The following CNBD1 variants were observed in gnomAD, a reference collection of about 807,000 sequenced individuals.
CNBD1 encodes cyclic nucleotide binding domain containing 1, also known as cyclic nucleotide-binding domain-containing protein 1.
A neutral mutation model predicts 54.4 loss-of-function variants in CNBD1; 71 were observed. The ratio of observed to expected loss-of-function variants is 1.30; its 90% CI spans 1.08 to 1.59. The LOEUF is 1.59. CNBD1 is among the 40% of genes most tolerant of loss of function. The probability of loss-of-function intolerance (pLI) is 0.00; values close to 1 mark genes in which losing one functional copy is unlikely to be tolerated. For synonymous variants in CNBD1, 182 were observed against 170.7 expected, an observed-to-expected ratio of 1.07 and a Z score of -0.51; for missense variants, 659 against 518.0, an observed-to-expected ratio of 1.27 and a Z score of -2.64.
chr8:87,417,669 A>T (rs1427967510), intron 2 of CNBD1, among the ~76,000 whole-genome samples: 1 of 151,986 alleles, frequency 6.6e-6, no homozygotes, highest in Non-Finnish European at 1.5e-5. Context: ...TCAATATACA[A>T]AAATCAATTG....
intron 2 of CNBD1, among the ~76,000 whole-genome samples, chr8:87,400,076 T>C (rs1807527304): frequency 6.6e-6 from 1 of 151,898 alleles, no homozygotes; most frequent in South Asian, 2.1e-4. Context: ...ATTCCATAGG[T>C]TCTTCCAGGG....
At chr8:87,097,667 C>G (rs1224196895) in intron 4 of CNBD1, among the ~76,000 whole-genome samples, 2 of 152,128 alleles carry the variant, frequency 1.3e-5, no homozygotes, top group Admixed American at 1.3e-4. Flanking sequence ...CATGCTGATT[C>G]CCTCTGAAGA....
chr8:86,901,658 C>G (rs943595160), intron 2 of CNBD1, among the ~76,000 whole-genome samples: 1 of 152,188 alleles, frequency 6.6e-6, no homozygotes, highest in African/African-American at 2.4e-5. Flanking sequence ...TTTAGGAACT[C>G]AGGCCTCTAC....
chr8:87,223,532 G>C (rs1009035281), intron 5 of CNBD1, among the ~76,000 whole-genome samples: 1 of 151,932 alleles, frequency 6.6e-6, no homozygotes, highest in African/African-American at 2.4e-5. Context: ...GAGAATGATG[G>C]TTTCCAATGT....
intron 6 of CNBD1, among the ~76,000 whole-genome samples, chr8:87,257,836 T>C (rs1808052682): frequency 6.6e-6 from 1 of 152,192 alleles, no homozygotes; most frequent in African/African-American, 2.4e-5. Flanking sequence ...AAGTATTTTC[T>C]TGGTATTTAA....
rs2130778911 is a variant in CNBD1, at chr8:87,182,957, T to G, written c.432-23036T>G. Among the ~76,000 whole-genome samples the G allele has an allele frequency of 6.6e-6, 1 of 152,310 alleles. No individual in the cohort carries two copies. Among genetic ancestry groups the G allele is most frequent in the Admixed American group, 6.5e-5 (1 of 15,300 alleles). ...TTTGTTACAATTGCTTTTGGAGACT[T>G]TGACATGAAATTTTTGCTAAGTCCT... On this transcript the variant is annotated intron_variant, in intron 4 of 10. Coordinates refer to ENST00000518476, the MANE Select transcript of CNBD1 (RefSeq NM_173538.3). This position sits in a 1 kb window ranked among gnomAD's most constrained non-coding sequence, Gnocchi z 4.1.
intron 4 of CNBD1, among the ~76,000 whole-genome samples, chr8:87,077,722 C>T (rs1308152758): frequency 1.3e-5 from 2 of 151,908 alleles, no homozygotes; most frequent in East Asian, 1.9e-4. Flanking sequence ...CCAGCTTCAT[C>T]CATGTCCCTA....
chr8:86,882,208 C>A (rs1324848370), intron 1 of CNBD1, among the ~76,000 whole-genome samples: 1 of 151,978 alleles, frequency 6.6e-6, no homozygotes, highest in Admixed American at 6.6e-5. Flanking sequence ...TTCTTCACAG[C>A]AAAAGAAACT....
chr8:86,873,418 A>T (rs547167296), intron 1 of CNBD1, among the ~76,000 whole-genome samples: 22 of 151,216 alleles, frequency 1.5e-4, no homozygotes, highest in Admixed American at 5.3e-4. Flanking sequence ...TGTTTTTTTT[A>T]AAAAAGGATT....
At chr8:87,053,014 G>C (rs1320718551) in intron 4 of CNBD1, among the ~76,000 whole-genome samples, 2 of 142,108 alleles carry the variant, frequency 1.4e-5, no homozygotes, top group African/African-American at 5.2e-5. Context: ...GCTGGAGGGG[G>C]CCCAAGATAA....
At chr8:87,092,383 G>A (rs533694998) in intron 4 of CNBD1, among the ~76,000 whole-genome samples, 2 of 150,674 alleles carry the variant, frequency 1.3e-5, no homozygotes, top group South Asian at 4.2e-4. Flanking sequence ...ATGTGTGTGT[G>A]TGTATATATA....
chr8:87,095,848 G>T (rs1418261441), intron 4 of CNBD1, among the ~76,000 whole-genome samples: 3 of 151,972 alleles, frequency 2.0e-5, no homozygotes, highest in African/African-American at 7.2e-5. Context: ...TAGTAGAGAC[G>T]GGGGTCTCAC....
chr8:87,150,785 A>G (rs1284424779), intron 4 of CNBD1, among the ~76,000 whole-genome samples: 1 of 152,172 alleles, frequency 6.6e-6, no homozygotes, highest in African/African-American at 2.4e-5. Flanking sequence ...TCCCAAACAG[A>G]GACTAGCAGA....
At position 86,936,158 on chromosome 8, in the gene CNBD1, T is replaced by C. The variant is rs114333564; in HGVS notation, c.273-3438T>C. Among the ~76,000 whole-genome samples the C allele has an allele frequency of 3.7e-3, 567 of 152,198 alleles. 4 individuals carry two copies. Among genetic ancestry groups the C allele is most frequent in the African/African-American group, 0.013 (543 of 41,530 alleles). On this transcript the variant is annotated intron_variant, in intron 3 of 10. Coordinates refer to ENST00000518476, the MANE Select transcript of CNBD1 (RefSeq NM_173538.3). Reference sequence around the variant, plus strand: ...TCAAAAAAAAATGCATTTAAAGCAATATATTTCTTTCTAATTTGTTTTATC... The same window carrying C: ...TCAAAAAAAAATGCATTTAAAGCAACATATTTCTTTCTAATTTGTTTTATC...
At chr8:87,266,301 G>A (rs1372768906) in intron 6 of CNBD1, among the ~76,000 whole-genome samples, 1 of 151,382 alleles carries the variant, frequency 6.6e-6, no homozygotes, top group African/African-American at 2.4e-5. Flanking sequence ...ACTTGGGAAA[G>A]AGGAGCTTTT....
intron 4 of CNBD1, among the ~76,000 whole-genome samples, chr8:87,023,294 CAAGTT>C (rs1014030740): frequency 6.6e-5 from 10 of 152,032 alleles, no homozygotes; most frequent in East Asian, 3.9e-4. Flanking sequence ...ACACAGTTAA[CAAGTT>C]AAGAATAAAC....
intron 8 of CNBD1, among the ~76,000 whole-genome samples, chr8:87,334,496 G>A (rs1165761540): frequency 6.6e-6 from 1 of 151,764 alleles, no homozygotes; most frequent in East Asian, 1.9e-4. Flanking sequence ...ATATCTCTAG[G>A]TTTCCGATGT....
chr8:87,237,678 T>A (rs1196016203), intron 6 of CNBD1, among the ~76,000 whole-genome samples: 1 of 152,114 alleles, frequency 6.6e-6, no homozygotes, highest in Non-Finnish European at 1.5e-5. Flanking sequence ...GAGGTCTGAA[T>A]TGACTAGAAT....
chr8:87,179,289 A>G (rs1187987035), intron 4 of CNBD1, among the ~76,000 whole-genome samples: 1 of 152,228 alleles, frequency 6.6e-6, no homozygotes, highest in Non-Finnish European at 1.5e-5. Context: ...GATAAAAGAT[A>G]TTCATAAAAT....
Sources: allele counts gnomAD v4.1 joint callset (sites outside exome capture counted in the v4.1 genomes callset), GRCh38; gene constraint gnomAD v4.1.1; non-coding constraint Gnocchi (gnomAD v3.1); transcripts MANE v1.5; gene names NCBI Gene and HGNC (gene_info 2026-07-23, HGNC 2026-07-21).